DDX49: variants seen among roughly 807,000 people sequenced by gnomAD.
DDX49 encodes probable ATP-dependent RNA helicase DDX49.
In DDX49, 50 loss-of-function variants were observed where a neutral mutation model predicts 56.3. The observed-to-expected ratio is 0.89, with a 90% confidence interval of 0.71 to 1.12. The LOEUF is 1.12. DDX49 is among the 50% of genes most tolerant of loss of function. The probability of loss-of-function intolerance (pLI) is 0.00; values close to 1 mark genes in which losing one functional copy is unlikely to be tolerated. For missense variants in DDX49, 614 were observed against 650.5 expected (o/e 0.94, Z 0.61); for synonymous variants, 269 against 270.6 (o/e 0.99, Z 0.06).
rs2231992 is a variant in DDX49 at position 18,919,762 on chromosome 19, C to T, written c.21C>T (p.Leu7=). 59,708 of 1,611,704 alleles carry T rather than the reference C, an allele frequency of 0.037. 1,232 individuals carry two copies. The highest frequency in any genetic ancestry group is 0.052 in the African/African-American group (3,891 of 75,030). Residue 7 remains leucine (L), a synonymous_variant, in exon 1 of 13, where the codon CTC becomes CTT. Transcript: ENST00000247003. MAGFAE[L]GLSSWLVEQC... is the part of the protein sequence containing the mutation. ...CAAGGATGGCAGGCTTCGCGGAGCT[C>T]GGGCTGTCATCGTGGCTCGTGGAAC...
At chr19:18,926,075 C>A (rs1422122054) in intron 9 of DDX49, among the ~76,000 whole-genome samples, 3 of 152,216 alleles carry the variant, frequency 2.0e-5, no homozygotes, top group African/African-American at 4.8e-5. Flanking sequence ...CAGTAACTAA[C>A]TGCTGTGTAA....
In DDX49 at chr19:18,922,448, C is replaced by A. The variant is rs771782788; in HGVS notation, c.570C>A (p.Thr190=). 4 of 1,604,188 alleles carry A rather than the reference C, an allele frequency of 2.5e-6. No individual in the cohort carries two copies. Among genetic ancestry groups the A allele is most frequent in the Non-Finnish European group, 1.7e-6 (2 of 1,177,926 alleles). ...CACTGCTGTTCAGCGCCACGCTGAC[C>A]GACACACTCCGGGAGCTGCAGGGTC... The part of the protein sequence containing the change: ...RQTLLFSATL[T]DTLRELQGLA... The change falls in exon 5 of 13, where the codon ACC becomes ACA. Residue 190 remains threonine, a synonymous_variant. Transcript: ENST00000247003.
chr19:18,920,363 A>G (rs573301432), intron 1 of DDX49, among the ~76,000 whole-genome samples: 4 of 152,316 alleles, frequency 2.6e-5, no homozygotes, highest in Middle Eastern at 3.4e-3. Context: ...CAGGGAGCAC[A>G]AGATGCATAT....
At chr19:18,919,961 C>T (rs999541701) in intron 1 of DDX49, 105 bp downstream of exon 1, 14 of 846,812 alleles carry the variant, frequency 1.7e-5, no homozygotes, top group Non-Finnish European at 2.5e-5. Context: ...CGAGGGGCAA[C>T]CTCGGGCGTT....
chr19:18,926,845 G>A (rs1320830662), intron 10 of DDX49, among the ~76,000 whole-genome samples: 1 of 152,084 alleles, frequency 6.6e-6, no homozygotes, highest in African/African-American at 2.4e-5. Flanking sequence ...GGCCGAGGTG[G>A]GCGGATCACT....
Position 18,921,890 on chromosome 19 carries a change from A to G in DDX49, c.373A>G (p.Ile125Val). 1 of 1,613,998 alleles carries G rather than the reference A, an allele frequency of 6.2e-7. No homozygotes were observed. The highest frequency in any genetic ancestry group is 8.5e-7 in the Non-Finnish European group (1 of 1,180,024). ...LELSRKPHVVIATPGRLADHL... is the reference protein window; with the variant it reads ...LELSRKPHVVVATPGRLADHL... ...GCTCTCTCGGAAACCACACGTGGTC[A>G]TCGCCACGCCGGGGCGCCTGGCAGA... The change falls in exon 4 of 13, where the codon ATC becomes GTC. Residue 125 changes from isoleucine to valine, a missense_variant. By Grantham distance (29) the Ile-to-Val change is conservative. Transcript: ENST00000247003.
Position 18,922,751 on chromosome 19 carries a change from G to A in DDX49, c.776+7G>A, listed in dbSNP as rs1442045196. 2.5e-6 allele frequency: 4 copies of A among 1,606,998 alleles called. No individual in the cohort carries two copies. Among genetic ancestry groups the A allele is most frequent in the Admixed American group, 1.7e-5 (1 of 59,812 alleles). The stretch of plus-strand genomic sequence containing the variant: ...TCTTCACCAACACGTGCAAGTGAGC[G>A]GGGCCCGCCTCTCCCCTCCCACCGC... On this transcript the variant is annotated splice_region_variant and intron_variant, in intron 6 of 12. Transcript: ENST00000247003.
intron 6 of DDX49, among the ~76,000 whole-genome samples, chr19:18,923,063 T>C (rs1230641598): frequency 1.3e-5 from 2 of 152,126 alleles, no homozygotes; most frequent in Non-Finnish European, 1.5e-5. Flanking sequence ...TTGTGACAAC[T>C]AACAGGCCTG....
At position 18,924,726 on chromosome 19, in the gene DDX49, G is replaced by T. The variant is rs1404142050; in HGVS notation, c.929+27G>T. 2.5e-6 allele frequency: 4 copies of T among 1,613,970 alleles called. No homozygotes were observed. In the Admixed American group the frequency reaches 6.7e-5, roughly 27 times the overall value. Reference sequence around the variant, plus strand: ...TGAGCAGCCCCCAGTCTCCTGCCAAGGGCACTCCCTCTTTTACTACAAGGC... The same window carrying T: ...TGAGCAGCCCCCAGTCTCCTGCCAATGGCACTCCCTCTTTTACTACAAGGC... On this transcript the variant is annotated intron_variant, in intron 8 of 12. Transcript: ENST00000247003.
In DDX49 at chr19:18,927,746, C is replaced by CCGCG; in HGVS notation, c.1103-20_1103-19insCGCG. 1 of 1,608,352 alleles carries CCGCG rather than the reference C, an allele frequency of 6.2e-7. No individual in the cohort carries two copies. Among genetic ancestry groups the CCGCG allele is most frequent in the Non-Finnish European group, 8.5e-7 (1 of 1,175,134 alleles). On this transcript the variant is annotated intron_variant, in intron 10 of 12. Coordinates refer to ENST00000247003, the MANE Select transcript of DDX49 (RefSeq NM_019070.5). ...CACGTCTCCTCCCCACCCCCACCCC[C>CCGCG]GGCTTTGCTGTCCCCACAGAGAAGA... is the stretch of plus-strand genomic sequence containing the variant.
chr19:18,923,726 A>G (rs918674668), intron 6 of DDX49, among the ~76,000 whole-genome samples: 7 of 150,918 alleles, frequency 4.6e-5, no homozygotes, highest in African/African-American at 1.7e-4. Context: ...CCCAGGGCCA[A>G]CTCTTGTCAG....
At chr19:18,921,586 C>T in intron 2 of DDX49, 77 bp from the exon 3 acceptor site, 1 of 1,403,910 alleles carries the variant, frequency 7.1e-7, no homozygotes. Context: ...CAGGGAGGAA[C>T]CCTGGGGATG....
At chr19:18,927,670 A>G (rs1289623720) in intron 10 of DDX49, 96 bp from the exon 11 acceptor site, 3 of 1,028,152 alleles carry the variant, frequency 2.9e-6, no homozygotes, top group Non-Finnish European at 3.0e-6. Context: ...ATGGCCTTGC[A>G]TACCCCACAG....
rs1421606011 is a variant in DDX49, at chr19:18,924,617, G to A, written c.853-6G>A. 1.9e-6 allele frequency: 3 copies of A among 1,614,018 alleles called. No individual in the cohort carries two copies. Among genetic ancestry groups the A allele is most frequent in the Non-Finnish European group, 2.5e-6 (3 of 1,180,038 alleles). Reference sequence around the variant, plus strand: ...CATTCCCAATTTTCTTCCCAACCCTGTGCAGAAAGAACGCTTTGCCGCCCT... The same window carrying A: ...CATTCCCAATTTTCTTCCCAACCCTATGCAGAAAGAACGCTTTGCCGCCCT... On this transcript the variant is annotated splice_polypyrimidine_tract_variant and splice_region_variant and intron_variant, in intron 7 of 12. Transcript: ENST00000247003.
In DDX49 at chr19:18,928,020, T is replaced by C. The variant is rs2056977193; in HGVS notation, c.1247T>C (p.Leu416Pro). ...AAGGAGATCAACAAACGGAAGCAGC[T>C]GATCCTGGAGGGGAAGGTGAGGGCC... is the stretch of plus-strand genomic sequence containing the variant. Reference protein sequence around the residue: ...EKKEINKRKQLILEGKDPDLE... With the variant: ...EKKEINKRKQPILEGKDPDLE... Residue 416 changes from leucine to proline, a missense_variant, in exon 12 of 13, where the codon CTG becomes CCG. Coordinates refer to ENST00000247003, the MANE Select transcript of DDX49 (RefSeq NM_019070.5). 6.2e-7 allele frequency: 1 copy of C among 1,613,394 alleles called. No homozygotes were observed. Among genetic ancestry groups the C allele is most frequent in the African/African-American group, 1.3e-5 (1 of 74,772 alleles).
chr19:18,924,277 C>T lies in DDX49; in HGVS notation c.821C>T (p.Pro274Leu). The change falls in exon 7 of 13, where the codon CCC becomes CTC. Residue 274 changes from proline (P) to leucine (L), a missense_variant. Pro to Leu is a moderately conservative substitution (Grantham distance 98). Coordinates refer to ENST00000247003, the MANE Select transcript of DDX49 (RefSeq NM_019070.5). The part of the protein sequence containing the change: ...LCMMLRKFSF[P>L]TVALHSMMKQ... ...ATGATGCTGCGCAAATTCAGCTTCC[C>T]CACCGTGGCTCTGCACTCCATGATG... 1.9e-6 allele frequency: 3 copies of T among 1,613,932 alleles called. No individual in the cohort carries two copies. Among genetic ancestry groups the T allele is most frequent in the Non-Finnish European group, 2.5e-6 (3 of 1,180,006 alleles).
At chr19:18,921,152 AAAAGAAAG>A (rs956558539) in intron 2 of DDX49, among the ~76,000 whole-genome samples, 1 of 152,026 alleles carries the variant, frequency 6.6e-6, no homozygotes, top group Admixed American at 6.5e-5. Context: ...AAAAAAAAAA[AAAAGAAAG>A]AAAGAAAGAG....
chr19:18,928,157 TG>T lies in DDX49; in HGVS notation c.1294del (p.Glu432SerfsTer20). 3 of 1,598,520 alleles carry T rather than the reference TG, an allele frequency of 1.9e-6. No individual in the cohort carries two copies. The highest frequency in any genetic ancestry group is 2.6e-6 in the Non-Finnish European group (3 of 1,172,666). Reference protein sequence around the residue: ...DPDLEAKRKAELAKIKQKNRR... With the variant: ...DPDLEAKRKAXLAKIKQKNRR... ...CTGACCTGGAGGCCAAGCGCAAGGCTGAGCTGGCCAAGATCAAGCAGAAGAA... is the reference window on the plus strand; with the variant it reads ...CTGACCTGGAGGCCAAGCGCAAGGCTAGCTGGCCAAGATCAAGCAGAAGAA... On this transcript the variant is annotated frameshift_variant, in exon 13 of 13. Coordinates refer to ENST00000247003, the MANE Select transcript of DDX49 (RefSeq NM_019070.5). LOFTEE classifies it low-confidence loss of function (END_TRUNC).
At chr19:18,920,732 G>T in intron 2 of DDX49, 29 bp downstream of exon 2, 2 of 1,579,970 alleles carry the variant, frequency 1.3e-6, no homozygotes, top group Non-Finnish European at 1.7e-6. Flanking sequence ...TCCTGGGTAT[G>T]GGTTAACCAG....
Sources: allele counts gnomAD v4.1 joint callset (sites outside exome capture counted in the v4.1 genomes callset), GRCh38; gene constraint gnomAD v4.1.1; transcripts MANE v1.5; gene names NCBI Gene and HGNC (gene_info 2026-07-23, HGNC 2026-07-21).